Variants in C17orf67 observed in about 807,000 individuals in gnomAD.
The protein encoded by C17orf67 is chromosome 17 open reading frame 67, also known as uncharacterized protein C17orf67.
Under a neutral mutation model 11.2 loss-of-function variants are expected in C17orf67, and 12 were observed. The observed-to-expected ratio is 1.07, with a 90% confidence interval of 0.68 to 1.73. C17orf67 has a LOEUF of 1.73. Among genes scored for constraint, C17orf67 ranks in the 40% most tolerant of loss-of-function variants. The probability of loss-of-function intolerance (pLI) is 0.00; values close to 1 mark genes in which losing one functional copy is unlikely to be tolerated. For synonymous variants in C17orf67, 59 were observed against 46.9 expected, an observed-to-expected ratio of 1.26 and a Z score of -1.05; for missense variants, 115 against 113.5, an observed-to-expected ratio of 1.01 and a Z score of -0.06.
intron 6 of C17orf67, among the ~76,000 whole-genome samples, chr17:56,811,785 CTT>C (rs1042368346): frequency 4.6e-5 from 7 of 152,234 alleles, no homozygotes; most frequent in Non-Finnish European, 7.3e-5. Flanking sequence ...CTCACTCTCT[CTT>C]TTTGTCTAAA....
intron 2 of C17orf67, among the ~76,000 whole-genome samples, chr17:56,825,860 T>C (rs1168030434): frequency 1.3e-5 from 2 of 151,988 alleles, no homozygotes; most frequent in Non-Finnish European, 2.9e-5. Flanking sequence ...AAACACAGGG[T>C]GTCTTTGGAG....
chr17:56,814,839 T>G (rs1443848606), intron 6 of C17orf67, 30 bp downstream of exon 6: 1 of 1,597,834 alleles, frequency 6.3e-7, no homozygotes, highest in Admixed American at 1.7e-5. Flanking sequence ...GATCACATTT[T>G]CTTTAAAACT....
chr17:56,819,198 C>T (rs1403694083), intron 4 of C17orf67, among the ~76,000 whole-genome samples: 1 of 152,174 alleles, frequency 6.6e-6, no homozygotes, highest in African/African-American at 2.4e-5. Context: ...GCCACACTCA[C>T]TCACTTTCAG....
At chr17:56,792,942 A>G (rs1484157927) in intron 7 of C17orf67, among the ~76,000 whole-genome samples, 1 of 72,668 alleles carries the variant, frequency 1.4e-5, no homozygotes, top group Non-Finnish European at 3.1e-5. Flanking sequence ...AATGGTGATG[A>G]TGGTGGCGAT....
chr17:56,799,305 G>A (rs536837148), intron 6 of C17orf67, among the ~76,000 whole-genome samples: 36 of 152,206 alleles, frequency 2.4e-4, no homozygotes, highest in Non-Finnish European at 5.1e-4. Context: ...TTCCCAGAAT[G>A]TCATACAGTT....
intron 5 of C17orf67, 55 bp from the exon 6 acceptor site, chr17:56,815,024 C>T: frequency 7.0e-7 from 1 of 1,437,320 alleles, no homozygotes; most frequent in South Asian, 1.1e-5. Flanking sequence ...GTTCATGAGC[C>T]ATCTCAACAG....
chr17:56,825,001 C>T (rs1297676968), intron 3 of C17orf67, 80 bp downstream of exon 3: 2 of 152,000 alleles, frequency 1.3e-5, no homozygotes, highest in African/African-American at 2.4e-5. Context: ...TTTTTAAAAC[C>T]GTATATGTGT....
intron 4 of C17orf67, among the ~76,000 whole-genome samples, chr17:56,818,277 A>C (rs1905811560): frequency 6.6e-6 from 1 of 152,138 alleles, no homozygotes; most frequent in Non-Finnish European, 1.5e-5. Flanking sequence ...ATTTTGTTTT[A>C]TCATATCAAA....
At chr17:56,820,376 G>A (rs1905869149) in intron 4 of C17orf67, among the ~76,000 whole-genome samples, 1 of 152,082 alleles carries the variant, frequency 6.6e-6, no homozygotes, top group South Asian at 2.1e-4. Context: ...AGCAGCTCAG[G>A]GCACCAGGCA....
intron 4 of C17orf67, among the ~76,000 whole-genome samples, chr17:56,819,407 A>G (rs1910196889): frequency 6.6e-6 from 1 of 152,148 alleles, no homozygotes; most frequent in Non-Finnish European, 1.5e-5. Context: ...ACCATAATTT[A>G]TACGTATTGC....
At position 56,792,503 on chromosome 17, in the gene C17orf67, GATA is replaced by G. The variant is rs1464338055; in HGVS notation, c.*21-154_*21-152del. 3.3e-4 allele frequency among the ~76,000 whole-genome samples: 48 copies of G among 145,774 alleles called. No homozygotes were observed. The South Asian group carries it at 5.2e-3, about 16-fold the overall frequency. On this transcript the variant is annotated intron_variant, in intron 7 of 7. Transcript: ENST00000397861. Reference sequence around the variant, plus strand: ...TGGTTATGATGGTGGTGGTGGTGATGATAATGATGATAGTGGTGGTGGTGGTGG... The same window carrying G: ...TGGTTATGATGGTGGTGGTGGTGATGATGATGATAGTGGTGGTGGTGGTGG...
chr17:56,818,174 A>T (rs1905808756), intron 4 of C17orf67, among the ~76,000 whole-genome samples: 1 of 152,168 alleles, frequency 6.6e-6, no homozygotes, highest in Non-Finnish European at 1.5e-5. Flanking sequence ...AAAAAAAGAA[A>T]AAAGAAAAAT....
chr17:56,798,394 C>T (rs1354006410), intron 6 of C17orf67, among the ~76,000 whole-genome samples: 1 of 152,190 alleles, frequency 6.6e-6, no homozygotes, highest in African/African-American at 2.4e-5. Context: ...CATATATCCC[C>T]TGTCTTCACA....
At chr17:56,809,954 CCTCA>C (rs925130766) in intron 6 of C17orf67, among the ~76,000 whole-genome samples, 2 of 145,960 alleles carry the variant, frequency 1.4e-5, no homozygotes, top group African/African-American at 2.6e-5. Flanking sequence ...CACACATACT[CCTCA>C]CTCACCTCAC....
chr17:56,800,150 C>G (rs961586177), intron 6 of C17orf67, among the ~76,000 whole-genome samples: 2 of 148,076 alleles, frequency 1.4e-5, no homozygotes, highest in African/African-American at 5.0e-5. Context: ...ACTGCAAGCT[C>G]CGCTTCCCGG....
intron 2 of C17orf67, among the ~76,000 whole-genome samples, chr17:56,828,876 CAG>C (rs1428588145): frequency 6.7e-6 from 1 of 148,258 alleles, no homozygotes; most frequent in Non-Finnish European, 1.5e-5. Flanking sequence ...AAAAACACTG[CAG>C]AGATTGAGGG....
intron 6 of C17orf67, among the ~76,000 whole-genome samples, chr17:56,799,611 C>T (rs1452027474): frequency 1.3e-5 from 2 of 152,120 alleles, no homozygotes; most frequent in Admixed American, 1.3e-4. Flanking sequence ...ATTATTGAAT[C>T]GTATGTTAAG....
chr17:56,818,553 A>T (rs1185355634), intron 4 of C17orf67, among the ~76,000 whole-genome samples: 1 of 152,210 alleles, frequency 6.6e-6, no homozygotes, highest in Non-Finnish European at 1.5e-5. Context: ...TAAATTTTGC[A>T]ACTTTTGTCT....
intron 2 of C17orf67, among the ~76,000 whole-genome samples, chr17:56,829,273 T>C (rs536593140): frequency 5.3e-5 from 8 of 151,728 alleles, no homozygotes; most frequent in East Asian, 1.9e-4. Flanking sequence ...CAAGACTCCA[T>C]TGCAAAAAAA....
Sources: allele counts gnomAD v4.1 joint callset (sites outside exome capture counted in the v4.1 genomes callset), GRCh38; gene constraint gnomAD v4.1.1; transcripts MANE v1.5; gene names NCBI Gene and HGNC (gene_info 2026-07-23, HGNC 2026-07-21).